CNTNAP2: variants seen among roughly 807,000 people sequenced by gnomAD.
The protein encoded by CNTNAP2 is contactin associated protein 2, also known as contactin-associated protein-like 2.
Under a neutral mutation model 155.2 loss-of-function variants are expected in CNTNAP2, and 98 were observed. The ratio of observed to expected loss-of-function variants is 0.63; its 90% CI spans 0.54 to 0.75. The LOEUF is 0.75. Ranked by LOEUF, CNTNAP2 falls within the 30% of genes least tolerant of loss-of-function variation. CNTNAP2 has a pLI of 0.00. For missense variants in CNTNAP2, 1,727 were observed against 1,688.1 expected (o/e 1.02, Z -0.40); for synonymous variants, 651 against 631.2 (o/e 1.03, Z -0.47).
At chr7:146,483,364 G>A (rs1797007941) in intron 1 of CNTNAP2, among the ~76,000 whole-genome samples, 1 of 128,980 alleles carries the variant, frequency 7.8e-6, no homozygotes, top group South Asian at 2.6e-4. Context: ...GTTGTGAATA[G>A]CATGCATTAT....
chr7:146,259,235 A>G (rs1220543986), intron 1 of CNTNAP2, among the ~76,000 whole-genome samples: 1 of 152,214 alleles, frequency 6.6e-6, no homozygotes, highest in East Asian at 1.9e-4. Flanking sequence ...ACTCTCAGGT[A>G]GTATCTTTAT....
intron 22 of CNTNAP2, among the ~76,000 whole-genome samples, chr7:148,398,412 C>T (rs1799514371): frequency 6.6e-6 from 1 of 152,158 alleles, no homozygotes; most frequent in African/African-American, 2.4e-5. Context: ...GTTGAGATAC[C>T]GAGGTTCCAG....
At chr7:146,771,958 C>A (rs1404156684) in intron 1 of CNTNAP2, among the ~76,000 whole-genome samples, 1 of 152,032 alleles carries the variant, frequency 6.6e-6, no homozygotes, top group Non-Finnish European at 1.5e-5. Flanking sequence ...AGTGTTGTGG[C>A]ATGTTATAAT....
chr7:147,907,272 A>G (rs1006945601), intron 14 of CNTNAP2, among the ~76,000 whole-genome samples: 19 of 152,040 alleles, frequency 1.2e-4, no homozygotes, highest in African/African-American at 3.4e-4. Context: ...TAGCCAGGAT[A>G]GTCTCGATCT....
chr7:147,216,409 G>A (rs1803270189), intron 8 of CNTNAP2, among the ~76,000 whole-genome samples: 1 of 152,014 alleles, frequency 6.6e-6, no homozygotes, highest in Admixed American at 6.6e-5. Context: ...TGGATGTCCA[G>A]TAGTAAAGCA....
intron 13 of CNTNAP2, among the ~76,000 whole-genome samples, chr7:147,784,172 C>T (rs1797697760): frequency 6.6e-6 from 1 of 151,698 alleles, no homozygotes; most frequent in Non-Finnish European, 1.5e-5. Context: ...TATAGCTCAC[C>T]CTGAAGGGCT....
At chr7:148,191,161 G>A (rs555926455) in intron 18 of CNTNAP2, among the ~76,000 whole-genome samples, 6 of 152,332 alleles carry the variant, frequency 3.9e-5, no homozygotes, top group African/African-American at 9.6e-5. Context: ...TGTTTAGGTC[G>A]TGAGGACTCC....
chr7:147,500,787 T>C (rs1011697457), intron 11 of CNTNAP2, among the ~76,000 whole-genome samples: 4 of 152,240 alleles, frequency 2.6e-5, no homozygotes, highest in African/African-American at 9.6e-5. Context: ...AGAAGAACTT[T>C]ATTTTCATTT....
chr7:148,154,032 T>C lies in CNTNAP2; in HGVS notation c.2773+6323T>C, dbSNP rs116262585. Reference sequence around the variant, plus strand: ...TGGCTCCTTGACAGAGGCTAGGTCATCTTAACTCATGACAAATGTCCGTGC... The same window carrying C: ...TGGCTCCTTGACAGAGGCTAGGTCACCTTAACTCATGACAAATGTCCGTGC... On this transcript the variant is annotated intron_variant, in intron 17 of 23. Coordinates refer to ENST00000361727, the MANE Select transcript of CNTNAP2 (RefSeq NM_014141.6). Among the ~76,000 whole-genome samples the C allele has an allele frequency of 6.1e-3, 930 of 152,366 alleles. 11 individuals are homozygous for C. Among genetic ancestry groups the C allele is most frequent in the African/African-American group, 0.021 (888 of 41,592 alleles).
At chr7:146,439,540 T>A (rs1459640519) in intron 1 of CNTNAP2, among the ~76,000 whole-genome samples, 2 of 151,524 alleles carry the variant, frequency 1.3e-5, no homozygotes, top group African/African-American at 4.9e-5. Flanking sequence ...AAATTGTATG[T>A]TCTGTCCAAA....
At chr7:147,906,394 C>T (rs34902210) in intron 14 of CNTNAP2, among the ~76,000 whole-genome samples, 30,570 of 151,908 alleles carry the variant, frequency 0.2, 3,438 homozygotes, top group Middle Eastern at 0.28. Context: ...TGGTCTTGAA[C>T]TCCTGACCTC....
intron 2 of CNTNAP2, among the ~76,000 whole-genome samples, chr7:146,775,629 A>AT (rs757074140): frequency 5.3e-5 from 8 of 151,768 alleles, no homozygotes; most frequent in Non-Finnish European, 8.8e-5. Flanking sequence ...GAAGGAAACA[A>AT]AGATGAAAAA....
intron 10 of CNTNAP2, among the ~76,000 whole-genome samples, chr7:147,462,304 C>A (rs2116590134): frequency 6.6e-6 from 1 of 152,294 alleles, no homozygotes; most frequent in Middle Eastern, 3.4e-3. Context: ...TTAGAGTCCC[C>A]AGTGCTTCAT....
At chr7:147,866,210 A>G (rs1799223865) in intron 13 of CNTNAP2, among the ~76,000 whole-genome samples, 1 of 152,182 alleles carries the variant, frequency 6.6e-6, no homozygotes, top group African/African-American at 2.4e-5. Context: ...CAGGTTGTTC[A>G]GTTTCCATGT....
At chr7:147,147,078 C>G (rs1026394346) in intron 8 of CNTNAP2, among the ~76,000 whole-genome samples, 1 of 152,022 alleles carries the variant, frequency 6.6e-6, no homozygotes, top group Non-Finnish European at 1.5e-5. Context: ...CTGGGGAGGC[C>G]TCGGGAAACT....
intron 1 of CNTNAP2, among the ~76,000 whole-genome samples, chr7:146,596,113 A>C (rs1798854704): frequency 6.6e-6 from 1 of 152,026 alleles, no homozygotes; most frequent in African/African-American, 2.4e-5. Context: ...CATGCTCCGG[A>C]GCAGACATCT....
At chr7:147,601,647 ATATATAT>A (rs1563016573) in intron 12 of CNTNAP2, among the ~76,000 whole-genome samples, 1,036 of 68,972 alleles carry the variant, frequency 0.015, 16 homozygotes, top group Non-Finnish European at 0.021. Flanking sequence ...AAAAAAAAAT[ATATATAT>A]ATATATATAT....
intron 11 of CNTNAP2, among the ~76,000 whole-genome samples, chr7:147,505,076 C>T (rs139235103): frequency 6.6e-6 from 1 of 152,076 alleles, no homozygotes; most frequent in Non-Finnish European, 1.5e-5. Context: ...ATAGATTTTC[C>T]CCGTTTCTAT....
At chr7:147,669,603 G>A (rs148407198) in intron 13 of CNTNAP2, among the ~76,000 whole-genome samples, 2,521 of 152,214 alleles carry the variant, frequency 0.017, 221 homozygotes, top group Admixed American at 0.15. Flanking sequence ...ATTGGTAGTC[G>A]TTACTGGTAG....
Sources: allele counts gnomAD v4.1 joint callset (sites outside exome capture counted in the v4.1 genomes callset), GRCh38; gene constraint gnomAD v4.1.1; transcripts MANE v1.5; gene names NCBI Gene and HGNC (gene_info 2026-07-23, HGNC 2026-07-21).